MEGF11: variants seen among roughly 807,000 people sequenced by gnomAD.
The protein encoded by MEGF11 is multiple epidermal growth factor-like domains protein 11.
Under a neutral mutation model 146.6 loss-of-function variants are expected in MEGF11, and 126 were observed. The observed-to-expected ratio is 0.86, with a 90% CI of 0.74 to 1.00. The LOEUF (loss-of-function observed/expected upper bound fraction) is 1.00. MEGF11 is among the 50% of genes least tolerant of loss of function. The pLI is 0.00. For synonymous variants in MEGF11, 532 were observed against 583.4 expected (o/e 0.91, Z 1.27); for missense variants, 1,509 against 1,521.2 (o/e 0.99, Z 0.13).
Position 65,899,076 on chromosome 15 carries a change from T to C in MEGF11, c.3056-142A>G, listed in dbSNP as rs1485858931. 1.5e-5 allele frequency: 12 copies of C among 792,674 alleles called. No individual in the cohort carries two copies. The East Asian group carries it at 2.7e-4, about 18-fold the overall frequency. 49.1% of individuals were successfully genotyped at this position (792,674 alleles called of 1,614,324 possible). On this transcript the variant is annotated intron_variant, in intron 24 of 25. Coordinates refer to ENST00000395614, the MANE Select transcript of MEGF11 (RefSeq NM_001385028.1). ...GGATAATCCAAGATTTATTTACTTA[T>C]TAAATGTGCTGAGAAGTGCTCTCCC...
chr15:66,145,832 C>T (rs1383968670), intron 1 of MEGF11, among the ~76,000 whole-genome samples: 3 of 152,100 alleles, frequency 2.0e-5, no homozygotes, highest in Non-Finnish European at 4.4e-5. Flanking sequence ...CTTAATCTTG[C>T]GGGGGATCTG....
intron 4 of MEGF11, among the ~76,000 whole-genome samples, chr15:66,095,429 C>A (rs547054702): frequency 6.6e-6 from 1 of 152,206 alleles, no homozygotes; most frequent in Non-Finnish European, 1.5e-5. Context: ...TAGACCAGAT[C>A]TAGATGGTTT....
At chr15:66,087,350 A>C (rs930759170) in intron 5 of MEGF11, among the ~76,000 whole-genome samples, 1 of 152,242 alleles carries the variant, frequency 6.6e-6, no homozygotes, top group Non-Finnish European at 1.5e-5. Flanking sequence ...AGAACATTTC[A>C]TCCAACGACC....
At chr15:65,996,988 A>G (rs931984902) in intron 5 of MEGF11, among the ~76,000 whole-genome samples, 2 of 152,074 alleles carry the variant, frequency 1.3e-5, no homozygotes, top group Non-Finnish European at 2.9e-5. Flanking sequence ...CATGGGCCCC[A>G]CCTATCGGTG....
chr15:66,022,289 C>CA (rs936460095), intron 5 of MEGF11, among the ~76,000 whole-genome samples: 5 of 152,152 alleles, frequency 3.3e-5, no homozygotes, highest in Admixed American at 6.5e-5. Flanking sequence ...ACATTTCCTG[C>CA]AAAAAAGTGC....
At chr15:65,955,783 TATATATATATAC>T (rs1351992820) in intron 10 of MEGF11, among the ~76,000 whole-genome samples, 2 of 8,914 alleles carry the variant, frequency 2.2e-4, no homozygotes, top group Non-Finnish European at 3.2e-4. Flanking sequence ...TATATATATA[TATATATATATAC>T]ACACACACAC....
chr15:66,060,844 T>C (rs953664544), intron 5 of MEGF11, among the ~76,000 whole-genome samples: 4 of 152,318 alleles, frequency 2.6e-5, no homozygotes, highest in African/African-American at 9.6e-5. Context: ...TGACAACAGA[T>C]GTGAGGATAT....
intron 1 of MEGF11, among the ~76,000 whole-genome samples, chr15:66,216,832 C>G (rs1430513979): frequency 1.3e-5 from 2 of 152,246 alleles, no homozygotes; most frequent in Non-Finnish European, 2.9e-5. Flanking sequence ...TCCCAAGTCA[C>G]TCTCTAGAAT....
At chr15:66,053,007 G>T (rs1157801852) in intron 5 of MEGF11, among the ~76,000 whole-genome samples, 4 of 152,154 alleles carry the variant, frequency 2.6e-5, no homozygotes, top group African/African-American at 4.8e-5. Context: ...CAAATGGATG[G>T]ATGCATGGGT....
chr15:65,970,718 G>A (rs771568004), intron 7 of MEGF11, 29 bp from the exon 8 acceptor site: 1 of 1,590,320 alleles, frequency 6.3e-7, no homozygotes, highest in Non-Finnish European at 8.6e-7. Context: ...GACATGCATG[G>A]CGGTGCTCCA....
intron 1 of MEGF11, among the ~76,000 whole-genome samples, chr15:66,153,315 C>A (rs1230975879): frequency 6.6e-6 from 1 of 152,194 alleles, no homozygotes; most frequent in East Asian, 1.9e-4. Context: ...TGGCTCACAC[C>A]TGTAATCCCA....
chr15:65,945,877 G>A (rs1479011025), intron 10 of MEGF11, among the ~76,000 whole-genome samples: 1 of 152,212 alleles, frequency 6.6e-6, no homozygotes, highest in Non-Finnish European at 1.5e-5. Context: ...GCAGGGGCAG[G>A]CGGGCGTGTC....
chr15:65,926,996 T>C (rs2079393593), intron 13 of MEGF11, among the ~76,000 whole-genome samples: 3 of 152,178 alleles, frequency 2.0e-5, no homozygotes, highest in Admixed American at 2.0e-4. Flanking sequence ...TTAGAAACTT[T>C]CTGGTTATGA....
At chr15:66,055,870 GCCAGGATAA>G (rs773846499) in intron 5 of MEGF11, among the ~76,000 whole-genome samples, 1 of 152,102 alleles carries the variant, frequency 6.6e-6, no homozygotes, top group Non-Finnish European at 1.5e-5. Context: ...GTAGAGACTG[GCCAGGATAA>G]AAAAGAAGCC....
intron 7 of MEGF11, among the ~76,000 whole-genome samples, chr15:65,976,506 A>G (rs1394356693): frequency 6.6e-6 from 1 of 152,260 alleles, no homozygotes; most frequent in Non-Finnish European, 1.5e-5. Context: ...CAGACCCAGA[A>G]AAAAGACGAC....
chr15:65,942,519 TTGA>T (rs58727647), intron 10 of MEGF11, among the ~76,000 whole-genome samples: 10 of 151,954 alleles, frequency 6.6e-5, no homozygotes, highest in South Asian at 2.1e-4. Context: ...GAAAGCTGGT[TTGA>T]TGATGATGAT....
intron 5 of MEGF11, among the ~76,000 whole-genome samples, chr15:66,092,836 C>CA (rs1157520113): frequency 1.3e-5 from 2 of 152,204 alleles, no homozygotes; most frequent in Non-Finnish European, 2.9e-5. Context: ...TATAATCCAG[C>CA]AGCAGCAGGC....
At chr15:66,157,644 T>C (rs1330877308) in intron 1 of MEGF11, among the ~76,000 whole-genome samples, 3 of 152,204 alleles carry the variant, frequency 2.0e-5, no homozygotes, top group African/African-American at 7.2e-5. Flanking sequence ...TAAGCAGGAC[T>C]CCCAGCCCCC....
intron 5 of MEGF11, among the ~76,000 whole-genome samples, chr15:66,057,430 C>A (rs1392864364): frequency 6.6e-6 from 1 of 152,096 alleles, no homozygotes; most frequent in African/African-American, 2.4e-5. Context: ...TTTGCAACTT[C>A]CTTGAGAATG....
Sources: gnomAD v4.1 joint callset for allele counts (sites outside exome capture counted in the v4.1 genomes callset) on GRCh38, gnomAD v4.1.1 for gene constraint, MANE v1.5 for transcripts, NCBI Gene and HGNC (gene_info 2026-07-23, HGNC 2026-07-21) for gene names.